The following RAPH1 variants were observed in gnomAD, a reference collection of about 807,000 sequenced individuals.
RAPH1 encodes the protein ras-associated and pleckstrin homology domains-containing protein 1.
RAPH1 carries 18 observed loss-of-function variants against 88.1 expected under a neutral mutation model. That is an observed-to-expected ratio of 0.20 (90% CI 0.14 to 0.30). RAPH1 has a LOEUF of 0.30. Ranked by LOEUF, RAPH1 falls within the 10% of genes least tolerant of loss-of-function variation. The pLI, the probability that RAPH1 is intolerant of heterozygous loss-of-function variation, is 1.00. For missense variants in RAPH1, 1,448 were observed against 1,543.2 expected (o/e 0.94, Z 1.03); for synonymous variants, 587 against 559.0 (o/e 1.05, Z -0.71).
At chr2:203,512,374 C>CA (rs1689386153) in intron 1 of RAPH1, among the ~76,000 whole-genome samples, 2 of 149,616 alleles carry the variant, frequency 1.3e-5, no homozygotes, top group Non-Finnish European at 3.0e-5. Flanking sequence ...AAAAAAAACC[C>CA]AAAAAACAAA....
At chr2:203,504,798 C>G (rs553087928) in intron 1 of RAPH1, among the ~76,000 whole-genome samples, 59 of 152,260 alleles carry the variant, frequency 3.9e-4, no homozygotes, top group African/African-American at 1.3e-3. Flanking sequence ...GAATGGTTTG[C>G]TGCTTTGAAA....
chr2:203,466,091 G>A (rs1190091442), intron 4 of RAPH1, among the ~76,000 whole-genome samples: 4 of 152,178 alleles, frequency 2.6e-5, no homozygotes, highest in African/African-American at 9.7e-5. Context: ...AGTGGTCCAT[G>A]TTAAAACTGT....
chr2:203,481,672 A>G (rs1175783316), intron 4 of RAPH1, among the ~76,000 whole-genome samples: 2 of 148,992 alleles, frequency 1.3e-5, no homozygotes, highest in African/African-American at 2.5e-5. Flanking sequence ...GCTCACTGCA[A>G]CCTCCACCTC....
intron 4 of RAPH1, among the ~76,000 whole-genome samples, chr2:203,471,731 T>C (rs1246960056): frequency 1.3e-5 from 2 of 152,114 alleles, no homozygotes; most frequent in South Asian, 2.1e-4. Context: ...GTTTGCTATA[T>C]GGTATTTTAT....
At chr2:203,501,814 T>TG (rs1230970553) in intron 1 of RAPH1, among the ~76,000 whole-genome samples, 10 of 74,180 alleles carry the variant, frequency 1.3e-4, no homozygotes, top group African/African-American at 4.7e-4. Flanking sequence ...CTAAGCATTA[T>TG]GAAAAAAAAA....
chr2:203,504,754 C>T (rs1688903288), intron 1 of RAPH1, among the ~76,000 whole-genome samples: 1 of 151,700 alleles, frequency 6.6e-6, no homozygotes, highest in South Asian at 2.1e-4. Context: ...TCCTTTAAAA[C>T]AGAATGCTTT....
intron 1 of RAPH1, among the ~76,000 whole-genome samples, chr2:203,529,005 A>ATTTTTTTTTTTTTTTTTTT (rs66832810): frequency 4.9e-5 from 2 of 41,154 alleles, no homozygotes; most frequent in African/African-American, 2.4e-4. Flanking sequence ...ATATATATAT[A>ATTTTTTTTTTTTTTTTTTT]TTTTTTTTTT....
In RAPH1 at chr2:203,439,624, G is replaced by A; in HGVS notation, c.3566C>T (p.Ser1189Phe). 1 of 1,614,136 alleles carries A rather than the reference G, an allele frequency of 6.2e-7. No individual in the cohort carries two copies. The highest frequency in any genetic ancestry group is 8.5e-7 in the Non-Finnish European group (1 of 1,180,030). ...TRHGSLSSRM[S>F]RAEPTATMDD... The stretch of plus-strand genomic sequence containing the variant: ...CATGGTGGCTGTTGGTTCTGCTCTG[G>A]ACATGCGGGAGGAGAGTGAGCCGTG... The change falls in exon 14 of 14, where the codon TCC becomes TTC. Residue 1189 changes from serine to phenylalanine, a missense_variant. This residue lies in a region of RAPH1 where 935 missense variants were observed against 890.1 expected (regional missense o/e 1.05). Transcript: ENST00000319170.
intron 7 of RAPH1, among the ~76,000 whole-genome samples, chr2:203,457,938 A>C (rs180795165): frequency 3.3e-4 from 50 of 152,356 alleles, no homozygotes; most frequent in African/African-American, 1.0e-3. Flanking sequence ...TTAGAAATTC[A>C]TAAGTACAAC....
chr2:203,476,785 TAAG>T (rs1438652924), intron 4 of RAPH1, among the ~76,000 whole-genome samples: 1 of 152,206 alleles, frequency 6.6e-6, no homozygotes, highest in African/African-American at 2.4e-5. Context: ...GTTAGTATCT[TAAG>T]AAATTTACAA....
intron 1 of RAPH1, among the ~76,000 whole-genome samples, chr2:203,506,733 GATATATATCTATAT>G (rs1290887282): frequency 6.6e-5 from 7 of 106,272 alleles, no homozygotes; most frequent in Admixed American, 2.7e-4. Flanking sequence ...TCCATATATA[GATATATATCTATAT>G]ATATATATAT....
In RAPH1 at chr2:203,433,917, C is replaced by G. The variant is rs1386788661; in HGVS notation, c.*5520G>C. ...TTACACTGACTGTACGACTAGTGTG[C>G]TAAGCCATTACAATAGTTTACTGAC... On this transcript the variant is annotated 3_prime_UTR_variant, in exon 14 of 14. Transcript: ENST00000319170. 1 of 152,516 alleles carries G rather than the reference C, an allele frequency of 6.6e-6. No individual in the cohort carries two copies. The highest frequency in any genetic ancestry group is 1.5e-5 in the Non-Finnish European group (1 of 68,012). 9.4% of individuals were successfully genotyped at this position (152,516 alleles called of 1,614,324 possible).
chr2:203,453,790 TG>T (rs1362173919), intron 10 of RAPH1, among the ~76,000 whole-genome samples: 2 of 152,140 alleles, frequency 1.3e-5, no homozygotes, highest in African/African-American at 4.8e-5. Context: ...CTAATTTTCT[TG>T]AATTTTTGTA....
intron 4 of RAPH1, among the ~76,000 whole-genome samples, chr2:203,464,271 G>T (rs925884772): frequency 2.0e-5 from 3 of 152,102 alleles, no homozygotes; most frequent in Non-Finnish European, 4.4e-5. Flanking sequence ...ATATAAACAT[G>T]AACTTTTTTC....
chr2:203,532,156 G>T (rs1282430801), intron 1 of RAPH1, among the ~76,000 whole-genome samples: 1 of 152,174 alleles, frequency 6.6e-6, no homozygotes, highest in Non-Finnish European at 1.5e-5. Context: ...TAGAAAAGTT[G>T]TTACTAGGAG....
chr2:203,506,926 ACT>A (rs1689116497), intron 1 of RAPH1, among the ~76,000 whole-genome samples: 1 of 123,298 alleles, frequency 8.1e-6, no homozygotes, highest in South Asian at 2.4e-4. Flanking sequence ...ATGAACTTTC[ACT>A]CTGGGTTGCC....
At chr2:203,533,307 T>G (rs1056537368) in intron 1 of RAPH1, 1 of 152,132 alleles carries the variant, frequency 6.6e-6, no homozygotes, top group Non-Finnish European at 1.5e-5. Flanking sequence ...GAGACAGCAA[T>G]CTAAATTATA....
intron 13 of RAPH1, chr2:203,441,752 T>C: frequency 2.3e-6 from 3 of 1,282,804 alleles, no homozygotes; most frequent in East Asian, 6.8e-5. Context: ...CAGCCTGCCC[T>C]ACATGGAACC....
At chr2:203,520,085 T>C (rs1689795605) in intron 1 of RAPH1, among the ~76,000 whole-genome samples, 1 of 152,060 alleles carries the variant, frequency 6.6e-6, no homozygotes, top group African/African-American at 2.4e-5. Context: ...CCTAGCACTT[T>C]GGGAGGCTAA....
Sources: allele counts gnomAD v4.1 joint callset (sites outside exome capture counted in the v4.1 genomes callset), GRCh38; gene constraint gnomAD v4.1.1; regional missense constraint gnomAD v4.1.1; transcripts MANE v1.5; gene names NCBI Gene and HGNC (gene_info 2026-07-23, HGNC 2026-07-21).